The following LTBP2 variants were observed in gnomAD, a reference collection of about 807,000 sequenced individuals.
LTBP2 encodes the protein latent-transforming growth factor beta-binding protein 2.
In LTBP2, 103 loss-of-function variants were observed where a neutral mutation model predicts 210.6. The ratio of observed to expected loss-of-function variants is 0.49; its 90% CI spans 0.42 to 0.58. The LOEUF (loss-of-function observed/expected upper bound fraction) is 0.58. LTBP2 is among the 20% of genes least tolerant of loss of function. LTBP2 has a pLI of 0.00. For synonymous variants in LTBP2, 1,007 were observed against 1,015.0 expected (o/e 0.99, Z 0.15); for missense variants, 2,313 against 2,494.5 (o/e 0.93, Z 1.55).
Position 74,532,414 on chromosome 14 carries a change from G to T in LTBP2, c.1987+12C>A. 1 of 1,613,666 alleles carries T rather than the reference G, an allele frequency of 6.2e-7. No individual in the cohort carries two copies. The highest frequency in any genetic ancestry group is 8.5e-7 in the Non-Finnish European group (1 of 1,179,942). On this transcript the variant is annotated intron_variant, in intron 10 of 35. Transcript: ENST00000261978. ...CACTGTCCACCCCCACCCCATCCCTGCCAGCACTCACACACACAGCGGCTC... is the reference window on the plus strand; with the variant it reads ...CACTGTCCACCCCCACCCCATCCCTTCCAGCACTCACACACACAGCGGCTC...
intron 3 of LTBP2, among the ~76,000 whole-genome samples, chr14:74,556,190 C>T (rs1035813780): frequency 2.6e-5 from 4 of 152,212 alleles, no homozygotes; most frequent in African/African-American, 9.7e-5. Flanking sequence ...AGCCTAGAGT[C>T]TCCCTCTCAT....
Position 74,525,161 on chromosome 14 carries a change from G to C in LTBP2, c.2493C>G (p.Thr831=), listed in dbSNP as rs549869728. Reference sequence around the variant, plus strand: ...GGGTCACCAGCACATCAGTGGAGGGGGTCACTTGTTCTTCCTGTATCTCTG... The same window carrying C: ...GGGTCACCAGCACATCAGTGGAGGGCGTCACTTGTTCTTCCTGTATCTCTG... The part of the protein sequence containing the change: ...GIAEIQEEQV[T]PSTDVLVTLS... The change falls in exon 15 of 36, where the codon ACC becomes ACG. Residue 831 remains threonine, a synonymous_variant. Transcript: ENST00000261978. 2.3e-6 allele frequency: 3 copies of C among 1,331,812 alleles called. No homozygotes were observed. In the South Asian group the frequency reaches 8.2e-5, roughly 36 times the overall value. 82.5% of individuals were successfully genotyped at this position (1,331,812 alleles called of 1,614,324 possible).
chr14:74,503,009 G>C, intron 33 of LTBP2, 75 bp from the exon 34 acceptor site: 1 of 1,578,944 alleles, frequency 6.3e-7, no homozygotes, highest in Non-Finnish European at 8.6e-7. Flanking sequence ...TTGTCTCTGG[G>C]AGCATGCAAG....
chr14:74,519,300 C>T (rs1157051696), intron 17 of LTBP2, among the ~76,000 whole-genome samples: 1 of 151,902 alleles, frequency 6.6e-6, no homozygotes, highest in Non-Finnish European at 1.5e-5. Context: ...TAAACCCGGC[C>T]AAGAATCTAG....
At chr14:74,503,740 G>A in intron 31 of LTBP2, 134 bp from the exon 32 acceptor site, 1 of 1,306,286 alleles carries the variant, frequency 7.7e-7, no homozygotes, top group African/African-American at 3.3e-5. Flanking sequence ...AGCCCAGCCT[G>A]GAAGGCCCTC....
chr14:74,503,904 C>A, intron 31 of LTBP2, 22 bp downstream of exon 31: 5 of 1,613,728 alleles, frequency 3.1e-6, no homozygotes, highest in Non-Finnish European at 4.2e-6. Flanking sequence ...GGGGTGGGGG[C>A]AGGGATCATG....
intron 16 of LTBP2, 128 bp from the exon 17 acceptor site, chr14:74,522,167 G>A: frequency 9.1e-7 from 1 of 1,096,046 alleles, no homozygotes; most frequent in South Asian, 1.4e-5. Context: ...AAGGGGTGAG[G>A]GAGTGGAGGA....
In LTBP2 at chr14:74,501,549, C is replaced by G. The variant is rs760878019; in HGVS notation, c.5212G>C (p.Gly1738Arg). The stretch of plus-strand genomic sequence containing the variant: ...CCATTCTCACAGCCGTTCAGGATGC[C>G]GCACTCCTCCGCCTGAAGCCCTTCG... ...GFEGLQAEEC[G>R]ILNGCENGRC... The change falls in exon 35 of 36, where the codon GGC (glycine) becomes CGC (arginine). Residue 1738 changes from glycine to arginine, a missense_variant. Physicochemically the swap from Gly to Arg is moderately radical, Grantham distance 125. Coordinates refer to ENST00000261978, the MANE Select transcript of LTBP2 (RefSeq NM_000428.3). The G allele has an allele frequency of 1.2e-6, 2 of 1,614,152 alleles. No homozygotes were observed. Among genetic ancestry groups the G allele is most frequent in the Admixed American group, 1.7e-5 (1 of 60,022 alleles).
intron 2 of LTBP2, among the ~76,000 whole-genome samples, chr14:74,602,211 G>A (rs1239694806): frequency 1.3e-5 from 2 of 152,238 alleles, no homozygotes; most frequent in East Asian, 3.8e-4. Flanking sequence ...CAGCAGCAGA[G>A]CTTGGCCGTG....
At chr14:74,560,740 C>A (rs907190284) in intron 3 of LTBP2, among the ~76,000 whole-genome samples, 2 of 152,068 alleles carry the variant, frequency 1.3e-5, no homozygotes, top group Admixed American at 6.6e-5. Context: ...GGGGGGAAAA[C>A]CCCCAAAAAT....
intron 2 of LTBP2, among the ~76,000 whole-genome samples, chr14:74,594,915 G>C (rs1247612484): frequency 6.6e-6 from 1 of 152,200 alleles, no homozygotes; most frequent in African/African-American, 2.4e-5. Context: ...CCAGGCTGTG[G>C]GAGAAGTCAG....
chr14:74,509,705 C>G (rs1190260610), intron 21 of LTBP2, 29 bp downstream of exon 21: 5 of 1,613,742 alleles, frequency 3.1e-6, no homozygotes, highest in African/African-American at 1.3e-5. Context: ...ATATTCTGTC[C>G]CCTTCCACCA....
At position 74,498,420 on chromosome 14, in the gene LTBP2, AC is replaced by A. The variant is rs2086874346; in HGVS notation, c.*2463del. ...CATTATTTATAGCAAAAGACAGGAA[AC>A]AATGGAAACGTCTGTCAGTGAGGGA... On this transcript the variant is annotated 3_prime_UTR_variant, in exon 36 of 36. Transcript: ENST00000261978. 4.9e-6 allele frequency: 1 copy of A among 204,128 alleles called. No individual in the cohort carries two copies. Among genetic ancestry groups the A allele is most frequent in the Non-Finnish European group, 1.0e-5 (1 of 99,528 alleles). 12.6% of individuals were successfully genotyped at this position (204,128 alleles called of 1,614,324 possible).
intron 2 of LTBP2, among the ~76,000 whole-genome samples, chr14:74,597,916 C>T (rs193242407): frequency 1.1e-3 from 167 of 152,310 alleles, no homozygotes; most frequent in African/African-American, 3.9e-3. Context: ...AAAATCCTAC[C>T]CTTGCCCTTA....
Position 74,528,706 on chromosome 14 carries a change from G to T in LTBP2, c.2153-8C>A. ...AGATCTCTCTGAAGGCCTCTGCAAA[G>T]CCAACAGCCAGAGGACAAACTGAGA... On this transcript the variant is annotated splice_region_variant and splice_polypyrimidine_tract_variant and intron_variant, in intron 11 of 35. Coordinates refer to ENST00000261978, the MANE Select transcript of LTBP2 (RefSeq NM_000428.3). The T allele has an allele frequency of 6.2e-7, 1 of 1,610,614 alleles. No homozygotes were observed. Among genetic ancestry groups the T allele is most frequent in the Non-Finnish European group, 8.5e-7 (1 of 1,179,938 alleles).
At chr14:74,548,860 G>T (rs1161289992) in intron 8 of LTBP2, among the ~76,000 whole-genome samples, 1 of 152,178 alleles carries the variant, frequency 6.6e-6, no homozygotes, top group African/African-American at 2.4e-5. Flanking sequence ...GGAAGAGCTG[G>T]GACTGGTACG....
intron 3 of LTBP2, among the ~76,000 whole-genome samples, chr14:74,562,445 C>G (rs1020522311): frequency 1.3e-5 from 2 of 151,982 alleles, no homozygotes; most frequent in Non-Finnish European, 2.9e-5. Context: ...GATCAAAAAC[C>G]CCTGCTTGGC....
At chr14:74,510,659 G>A (rs1314251644) in intron 19 of LTBP2, among the ~76,000 whole-genome samples, 2 of 152,190 alleles carry the variant, frequency 1.3e-5, no homozygotes, top group African/African-American at 4.8e-5. Flanking sequence ...CAGTCATGCC[G>A]AGGTGGCTGA....
chr14:74,509,044 G>C, intron 22 of LTBP2, 92 bp from the exon 23 acceptor site: 2 of 1,587,702 alleles, frequency 1.3e-6, no homozygotes, highest in South Asian at 2.2e-5. Flanking sequence ...CCTGTCACCT[G>C]CCTGCAGAGC....
Sources: gnomAD v4.1 joint callset for allele counts (sites outside exome capture counted in the v4.1 genomes callset) on GRCh38, gnomAD v4.1.1 for gene constraint, MANE v1.5 for transcripts, NCBI Gene and HGNC (gene_info 2026-07-23, HGNC 2026-07-21) for gene names.